The following ZNF518A variants were observed in gnomAD, a reference collection of about 807,000 sequenced individuals.
ZNF518A encodes zinc finger protein 518A.
In ZNF518A, 47 loss-of-function variants were observed where a neutral mutation model predicts 102.7. The observed-to-expected ratio is 0.46, with a 90% CI of 0.36 to 0.58. ZNF518A has a LOEUF of 0.58. ZNF518A is among the 20% of genes least tolerant of loss of function. The pLI, the probability that ZNF518A is intolerant of heterozygous loss-of-function variation, is 0.00. For missense variants in ZNF518A, 1,793 were observed against 1,699.8 expected, an observed-to-expected ratio of 1.05 and a Z score of -0.96; for synonymous variants, 652 against 594.6, an observed-to-expected ratio of 1.10 and a Z score of -1.40.
chr10:96,179,109 T>G (rs2083223226), intron 1 of ZNF518A, among the ~76,000 whole-genome samples: 1 of 152,058 alleles, frequency 6.6e-6, no homozygotes, highest in South Asian at 2.1e-4. Flanking sequence ...TAAAGAAAAC[T>G]ACAGACCAGT....
chr10:96,162,728 G>A lies in ZNF518A; in HGVS notation c.*1954G>A, dbSNP rs1309185431. On this transcript the variant is annotated 3_prime_UTR_variant, in exon 6 of 6. Coordinates refer to ENST00000316045, the MANE Select transcript of ZNF518A (RefSeq NM_001330736.2). The stretch of plus-strand genomic sequence containing the variant: ...ATTTTCAATTAAATTTATCTTGTTT[G>A]TGTTTACACAATAATTTTTTTACTG... 2 of 165,964 alleles carry A rather than the reference G, an allele frequency of 1.2e-5. No individual in the cohort carries two copies. The highest frequency in any genetic ancestry group is 2.9e-5 in the Non-Finnish European group (2 of 67,988). The allele number at this position is 165,964 out of a possible 1,614,324, so 10.3% of individuals were successfully genotyped here.
intron 3 of ZNF518A, among the ~76,000 whole-genome samples, chr10:96,143,495 CCTG>C (rs1281235964): frequency 5.3e-5 from 8 of 152,104 alleles, no homozygotes; most frequent in Non-Finnish European, 1.0e-4. Flanking sequence ...TGTTTTAAGT[CCTG>C]CTACTCTTTA....
chr10:96,138,734 C>T (rs782559590), intron 3 of ZNF518A, among the ~76,000 whole-genome samples: 1 of 152,090 alleles, frequency 6.6e-6, no homozygotes, highest in Non-Finnish European at 1.5e-5. Flanking sequence ...ATGCTTAGAA[C>T]GTAGATGTGG....
At chr10:96,163,992 G>T (rs1413919686), downstream of ZNF518A, among the ~76,000 whole-genome samples, 2 of 152,200 alleles carry the variant, frequency 1.3e-5, no homozygotes, top group African/African-American at 2.4e-5. Flanking sequence ...TAATGAAAAT[G>T]GTTAGTGGGT....
intron 1 of ZNF518A, chr10:96,190,200 A>G (rs1267877426): frequency 9.0e-6 from 7 of 777,182 alleles, no homozygotes; most frequent in East Asian, 2.5e-5. Flanking sequence ...GCTCACGTCC[A>G]TGTCCATCGA....
chr10:96,133,970 G>T (rs2081470296), intron 3 of ZNF518A, among the ~76,000 whole-genome samples: 1 of 152,198 alleles, frequency 6.6e-6, no homozygotes, highest in Non-Finnish European at 1.5e-5. Context: ...AGATTCACAT[G>T]GGTACTGTGT....
Position 96,158,529 on chromosome 10 carries a change from A to T in ZNF518A, c.2207A>T (p.Asn736Ile). The change falls in exon 6 of 6, where the codon AAT becomes ATT. Residue 736 changes from asparagine (N) to isoleucine (I), a missense_variant. By Grantham distance (149) the Asn-to-Ile change is moderately radical. Around this residue, in one of 3 missense-constraint regions of ZNF518A, gnomAD observed 1,741 missense variants for 1,622.6 expected, o/e 1.07. Transcript: ENST00000316045. ...ATTGATGGACAAAACCTGTACAGTA[A>T]TGAAAATCAAAATTTAGAGTGTGCG... is the stretch of plus-strand genomic sequence containing the variant. ...QNIDGQNLYS[N>I]ENQNLECATE... 2.5e-6 allele frequency: 4 copies of T among 1,612,910 alleles called. No individual in the cohort carries two copies. The highest frequency in any genetic ancestry group is 3.4e-6 in the Non-Finnish European group (4 of 1,179,528).
chr10:96,202,898 T>C (rs1235548676), intron 1 of ZNF518A, among the ~76,000 whole-genome samples: 3 of 152,244 alleles, frequency 2.0e-5, no homozygotes, highest in East Asian at 1.9e-4. Context: ...TGAGCTATTA[T>C]GCCCATTTTA....
chr10:96,201,118 C>T, intron 1 of ZNF518A: 4 of 1,427,886 alleles, frequency 2.8e-6, no homozygotes, highest in East Asian at 2.3e-5. Context: ...TCTTTCTATG[C>T]CTATCCCCTA....
At chr10:96,148,168 G>T (rs2082256261) in intron 3 of ZNF518A, among the ~76,000 whole-genome samples, 1 of 152,034 alleles carries the variant, frequency 6.6e-6, no homozygotes, top group South Asian at 2.1e-4. Flanking sequence ...GGCCGGGCGC[G>T]GTGGCTCACG....
At chr10:96,204,783 T>C, downstream of ZNF518A, 1 of 655,710 alleles carries the variant, frequency 1.5e-6, no homozygotes, top group Non-Finnish European at 2.8e-6. Flanking sequence ...TCTGTTGATG[T>C]GGTTGTGCTA....
intron 3 of ZNF518A, among the ~76,000 whole-genome samples, chr10:96,150,112 C>T (rs1459311412): frequency 6.7e-6 from 1 of 149,336 alleles, no homozygotes; most frequent in Non-Finnish European, 1.5e-5. Context: ...ATCACGAGGT[C>T]AGGAGATCGA....
chr10:96,144,815 A>C lies in ZNF518A; in HGVS notation c.-301-10511A>C, dbSNP rs985826033. ...CACTACCAAAACTGTTACAGATAGC[A>C]AAAAAAAAAAATTCTAAATAACACT... is the stretch of plus-strand genomic sequence containing the variant. On this transcript the variant is annotated intron_variant, in intron 3 of 5. Transcript: ENST00000316045. 8.2e-5 allele frequency among the ~76,000 whole-genome samples: 12 copies of C among 146,060 alleles called. No individual in the cohort carries two copies. The Admixed American group carries it at 8.3e-4, about 10-fold the overall frequency.
chr10:96,142,465 G>T (rs983426948), intron 3 of ZNF518A, among the ~76,000 whole-genome samples: 1 of 152,046 alleles, frequency 6.6e-6, no homozygotes, highest in East Asian at 1.9e-4. Flanking sequence ...TGTTTTGCCT[G>T]TATCTGCAGA....
chr10:96,137,991 T>C (rs2081696471), intron 3 of ZNF518A, among the ~76,000 whole-genome samples: 1 of 152,192 alleles, frequency 6.6e-6, no homozygotes, highest in Non-Finnish European at 1.5e-5. Context: ...TTTCCAATGC[T>C]GTCAGAACTT....
At chr10:96,199,365 G>T in intron 1 of ZNF518A, 8 of 265,296 alleles carry the variant, frequency 3.0e-5, no homozygotes, top group Middle Eastern at 4.4e-4. Flanking sequence ...TTTTTTGTTT[G>T]TTTGTTTGTT....
downstream of ZNF518A, chr10:96,204,581 T>A: frequency 6.2e-7 from 1 of 1,614,124 alleles, no homozygotes; most frequent in Admixed American, 1.7e-5. Flanking sequence ...TGTCTGTGAC[T>A]TGACCCTCGG....
At position 96,160,609 on chromosome 10, in the gene ZNF518A, A is replaced by G. The variant is rs1554887485; in HGVS notation, c.4287A>G (p.Thr1429=). The change falls in exon 6 of 6, where the codon ACA becomes ACG. Residue 1429 remains threonine, a synonymous_variant. Coordinates refer to ENST00000316045, the MANE Select transcript of ZNF518A (RefSeq NM_001330736.2). The part of the protein sequence containing the change: ...RFVLKLTLKK[T]SKNNYQIVKT... Reference sequence around the variant, plus strand: ...TGCTAAAATTAACACTCAAAAAGACAAGCAAAAACAATTACCAGATTGTGA... The same window carrying G: ...TGCTAAAATTAACACTCAAAAAGACGAGCAAAAACAATTACCAGATTGTGA... 7 of 1,612,640 alleles carry G rather than the reference A, an allele frequency of 4.3e-6. No individual in the cohort carries two copies. Among genetic ancestry groups the G allele is most frequent in the Non-Finnish European group, 5.9e-6 (7 of 1,179,410 alleles).
intron 3 of ZNF518A, among the ~76,000 whole-genome samples, chr10:96,146,742 T>C (rs1467567980): frequency 6.6e-6 from 1 of 152,204 alleles, no homozygotes; most frequent in East Asian, 1.9e-4. Context: ...TCTGGTCATA[T>C]CCTCCTCTCT....
Sources: allele counts gnomAD v4.1 joint callset (sites outside exome capture counted in the v4.1 genomes callset), GRCh38; gene constraint gnomAD v4.1.1; regional missense constraint gnomAD v4.1.1; transcripts MANE v1.5; gene names NCBI Gene and HGNC (gene_info 2026-07-23, HGNC 2026-07-21).